The following ITM2C variants were observed in gnomAD, a reference collection of about 807,000 sequenced individuals.
ITM2C encodes BRICHOS domain containing 2C.
ITM2C carries 20 observed loss-of-function variants against 30.0 expected under a neutral mutation model. The ratio of observed to expected loss-of-function variants is 0.67; its 90% CI spans 0.47 to 0.97. The LOEUF (loss-of-function observed/expected upper bound fraction) is 0.97. ITM2C is among the 50% of genes least tolerant of loss of function. The pLI is 0.00. For missense variants in ITM2C, 366 were observed against 371.9 expected (o/e 0.98, Z 0.13); for synonymous variants, 167 against 156.4 (o/e 1.07, Z -0.51).
At chr2:230,871,278 G>A (rs940471264) in intron 1 of ITM2C, among the ~76,000 whole-genome samples, 2 of 152,266 alleles carry the variant, frequency 1.3e-5, no homozygotes, top group African/African-American at 4.8e-5. Context: ...GCCTGTGTCA[G>A]GGTCAGCCAC....
At position 230,865,237 on chromosome 2, in the gene ITM2C, G is replaced by A. The variant is rs1268914001; in HGVS notation, c.120+92G>A. The A allele has an allele frequency of 4.8e-6, 6 of 1,246,616 alleles. 1 individual carries two copies. Among genetic ancestry groups the A allele is most frequent in the African/African-American group, 3.1e-5 (2 of 63,922 alleles). 77.2% of individuals were successfully genotyped at this position (1,246,616 alleles called of 1,614,324 possible). A position where few individuals can be genotyped will look rare whatever the true frequency, so the allele number is the denominator to read the frequency against. On this transcript the variant is annotated intron_variant, in intron 1 of 5. Transcript: ENST00000326427. This position sits in a 1 kb window ranked among gnomAD's most constrained non-coding sequence, Gnocchi z 6.8. ...CGGCCCTGGGGACTGCCCGAGGCGC[G>A]TCAGGGCCCCAGAGCCCGGGGTGGA...
In ITM2C at chr2:230,879,007, G is replaced by A. The variant is rs1205468835; in HGVS notation, c.*908G>A. The stretch of plus-strand genomic sequence containing the variant: ...GGTACTTGTCCACCCTGCCTCCTCT[G>A]TTCTGAAATTCCATCCCCCTCAGCT... On this transcript the variant is annotated 3_prime_UTR_variant, in exon 6 of 6. Transcript: ENST00000326427. 1.3e-5 allele frequency: 2 copies of A among 152,632 alleles called. No individual in the cohort carries two copies. The highest frequency in any genetic ancestry group is 2.9e-5 in the Non-Finnish European group (2 of 68,048). 9.5% of individuals were successfully genotyped at this position (152,632 alleles called of 1,614,324 possible). A position where few individuals can be genotyped will look rare whatever the true frequency, so the allele number is the denominator to read the frequency against.
chr2:230,872,977 G>C (rs934574322), intron 1 of ITM2C, among the ~76,000 whole-genome samples: 1 of 152,194 alleles, frequency 6.6e-6, no homozygotes, highest in Admixed American at 6.5e-5. Context: ...CTCCCAGCCT[G>C]CCTGGTGTGT....
Position 230,877,119 on chromosome 2 carries a change from G to C in ITM2C, c.561+152G>C, listed in dbSNP as rs140224813. 1.7e-5 allele frequency: 11 copies of C among 656,418 alleles called. No individual in the cohort carries two copies. In the East Asian group the frequency reaches 2.7e-4, roughly 16 times the overall value. 40.7% of individuals were successfully genotyped at this position (656,418 alleles called of 1,614,324 possible). A position where few individuals can be genotyped will look rare whatever the true frequency, so the allele number is the denominator to read the frequency against. ...GCACCTGGGCCCTGTACCCAGATTG[G>C]TCTCGCCTCTGCTATCCCCCTGCTT... On this transcript the variant is annotated intron_variant, in intron 4 of 5. Transcript: ENST00000326427. This position sits in a 1 kb window ranked among gnomAD's most constrained non-coding sequence, Gnocchi z 4.8.
At position 230,865,879 on chromosome 2, in the gene ITM2C, C is replaced by CT. The variant is rs1326408227; in HGVS notation, c.120+735dup. ...TCTCCATTCCCAGCCTCTCGCTGGG[C>CT]TGTCCCCCGACCCCACGGGGAGGGC... is the stretch of plus-strand genomic sequence containing the variant. On this transcript the variant is annotated intron_variant, in intron 1 of 5. Transcript: ENST00000326427. The surrounding 1 kb of genome is among the most constrained non-coding windows in gnomAD (Gnocchi z 6.8). The CT allele has an allele frequency of 6.6e-6, 1 of 152,356 alleles. No homozygotes were observed. The allele number at this position is 152,356 out of a possible 1,614,324, so 9.4% of individuals were successfully genotyped here. A position where few individuals can be genotyped will look rare whatever the true frequency, so the allele number is the denominator to read the frequency against.
chr2:230,875,122 G>A (rs945206712), intron 2 of ITM2C, among the ~76,000 whole-genome samples: 1 of 152,206 alleles, frequency 6.6e-6, no homozygotes, highest in African/African-American at 2.4e-5. Context: ...CACAGGCGTA[G>A]GTGCCCAACT....
intron 1 of ITM2C, among the ~76,000 whole-genome samples, chr2:230,869,402 C>T (rs544525464): frequency 6.6e-6 from 1 of 152,316 alleles, no homozygotes; most frequent in Admixed American, 6.5e-5. Flanking sequence ...TGTTTGCCCA[C>T]TCTCCTCTCC....
Position 230,867,146 on chromosome 2 carries a change from AT to A in ITM2C, c.120+2003del, listed in dbSNP as rs1232730652. Among the ~76,000 whole-genome samples the A allele has an allele frequency of 7.9e-5, 12 of 152,242 alleles. No homozygotes were observed. The East Asian group carries it at 2.3e-3, about 29-fold the overall frequency. On this transcript the variant is annotated intron_variant, in intron 1 of 5. Coordinates refer to ENST00000326427, the MANE Select transcript of ITM2C (RefSeq NM_030926.6). Reference sequence around the variant, plus strand: ...TTGGGCAGGGTCCCCTCCCTCTCTAATTGGCAAGGGGGAGCTTAGGACTATG... The same window carrying A: ...TTGGGCAGGGTCCCCTCCCTCTCTAATGGCAAGGGGGAGCTTAGGACTATG...
chr2:230,874,241 G>A (rs551001169), intron 2 of ITM2C, among the ~76,000 whole-genome samples: 9 of 152,330 alleles, frequency 5.9e-5, no homozygotes, highest in Admixed American at 3.3e-4. Flanking sequence ...ACTCCTAAGC[G>A]TTTAACTTTG....
intron 2 of ITM2C, among the ~76,000 whole-genome samples, chr2:230,874,214 G>T (rs2125021999): frequency 6.6e-6 from 1 of 152,294 alleles, no homozygotes; most frequent in Middle Eastern, 3.4e-3. Context: ...AGTCATTTAT[G>T]ACCCAAGTGA....
chr2:230,869,943 C>T (rs1356640851), intron 1 of ITM2C, among the ~76,000 whole-genome samples: 1 of 152,202 alleles, frequency 6.6e-6, no homozygotes, highest in African/African-American at 2.4e-5. Context: ...TAAATGGGAG[C>T]CCCCCTCCTC....
intron 1 of ITM2C, among the ~76,000 whole-genome samples, chr2:230,868,264 C>A (rs73096764): frequency 3.0e-4 from 45 of 152,156 alleles, no homozygotes; most frequent in East Asian, 5.8e-4. Flanking sequence ...GGCCTCCCCC[C>A]CTGGTGTTTT....
Position 230,878,195 on chromosome 2 carries a change from G to C in ITM2C, c.*96G>C. The C allele has an allele frequency of 1.2e-6, 1 of 848,720 alleles. No individual in the cohort carries two copies. The highest frequency in any genetic ancestry group is 1.8e-6 in the Non-Finnish European group (1 of 560,830). The allele number at this position is 848,720 out of a possible 1,614,324, so 52.6% of individuals were successfully genotyped here. ...CTTCCCCCTGCTTAGCTTGTACTTT[G>C]GACGCGTTTCTATAGAGGTGACATG... On this transcript the variant is annotated 3_prime_UTR_variant, in exon 6 of 6. Coordinates refer to ENST00000326427, the MANE Select transcript of ITM2C (RefSeq NM_030926.6). This position sits in a 1 kb window ranked among gnomAD's most constrained non-coding sequence, Gnocchi z 4.5.
At position 230,877,293 on chromosome 2, in the gene ITM2C, G is replaced by T. The variant is rs1335600293; in HGVS notation, c.562-107G>T. 1.1e-5 allele frequency: 13 copies of T among 1,183,820 alleles called. No homozygotes were observed. Among genetic ancestry groups the T allele is most frequent in the African/African-American group, 1.5e-5 (1 of 65,662 alleles). The allele number at this position is 1,183,820 out of a possible 1,614,324, so 73.3% of individuals were successfully genotyped here. A position where few individuals can be genotyped will look rare whatever the true frequency, so the allele number is the denominator to read the frequency against. On this transcript the variant is annotated intron_variant, in intron 4 of 5. Coordinates refer to ENST00000326427, the MANE Select transcript of ITM2C (RefSeq NM_030926.6). The surrounding 1 kb of genome is among the most constrained non-coding windows in gnomAD (Gnocchi z 4.8). Reference sequence around the variant, plus strand: ...GGAAGTGCCTGAGGACATCAGAAGGGCCAGCCCAGGGGCCTCTGGAGGAGG... The same window carrying T: ...GGAAGTGCCTGAGGACATCAGAAGGTCCAGCCCAGGGGCCTCTGGAGGAGG...
chr2:230,867,831 G>A (rs1379591181), intron 1 of ITM2C, among the ~76,000 whole-genome samples: 2 of 151,868 alleles, frequency 1.3e-5, no homozygotes, highest in Non-Finnish European at 2.9e-5. Flanking sequence ...GCTAATTTTT[G>A]TATTTTTAGT....
At chr2:230,869,835 C>G (rs1447797961) in intron 1 of ITM2C, among the ~76,000 whole-genome samples, 1 of 151,984 alleles carries the variant, frequency 6.6e-6, no homozygotes, top group Admixed American at 6.5e-5. Context: ...CAGGGAGAGG[C>G]CCAGGCCTCT....
Position 230,878,054 on chromosome 2 carries a change from C to A in ITM2C, c.759C>A (p.Phe253Leu), listed in dbSNP as rs375376699. The A allele has an allele frequency of 6.2e-7, 1 of 1,608,690 alleles. No homozygotes were observed. Among genetic ancestry groups the A allele is most frequent in the Non-Finnish European group, 8.5e-7 (1 of 1,177,168 alleles). The change falls in exon 6 of 6, where the codon TTC (phenylalanine) becomes TTA (leucine). Residue 253 changes from phenylalanine to leucine, a missense_variant. Phe to Leu is a conservative substitution (Grantham distance 22, BLOSUM62 0). Transcript: ENST00000326427. The surrounding 1 kb of genome is among the most constrained non-coding windows in gnomAD (Gnocchi z 4.5). ...GAKNCNAIRH[F>L]ENTFVVETLI... ...AGAACTGCAATGCCATCCGCCACTT[C>A]GAGAACACCTTCGTGGTGGAGACGC... is the stretch of plus-strand genomic sequence containing the variant.
At position 230,878,441 on chromosome 2, in the gene ITM2C, A is replaced by T; in HGVS notation, c.*342A>T. ...ACCGGTTGGGGGAGCCGGGCATGTG[A>T]GGCCCTGGGCAAGGGGATGGGGCTG... On this transcript the variant is annotated 3_prime_UTR_variant, in exon 6 of 6. Transcript: ENST00000326427. This position sits in a 1 kb window ranked among gnomAD's most constrained non-coding sequence, Gnocchi z 4.5. 8.3e-5 allele frequency: 14 copies of T among 169,118 alleles called. No homozygotes were observed. The highest frequency in any genetic ancestry group is 3.3e-4 in the East Asian group (2 of 5,996). The allele number at this position is 169,118 out of a possible 1,614,324, so 10.5% of individuals were successfully genotyped here. A position where few individuals can be genotyped will look rare whatever the true frequency, so the allele number is the denominator to read the frequency against.
At chr2:230,871,799 G>A (rs1394168482) in intron 1 of ITM2C, among the ~76,000 whole-genome samples, 1 of 152,232 alleles carries the variant, frequency 6.6e-6, no homozygotes, top group Non-Finnish European at 1.5e-5. Flanking sequence ...TGAAGGGGGG[G>A]TCCTCCAGAC....
Sources: gnomAD v4.1 joint callset for allele counts (sites outside exome capture counted in the v4.1 genomes callset) on GRCh38, gnomAD v4.1.1 for gene constraint, Gnocchi (gnomAD v3.1) non-coding constraint, MANE v1.5 for transcripts, NCBI Gene and HGNC (gene_info 2026-07-23, HGNC 2026-07-21) for gene names.